The following PYGB variants were observed in gnomAD, a reference collection of about 807,000 sequenced individuals.
PYGB encodes glycogen phosphorylase, brain form.
A neutral mutation model predicts 94.3 loss-of-function variants in PYGB; 82 were observed. The observed-to-expected ratio is 0.87, with a 90% CI of 0.73 to 1.04. The LOEUF is 1.04. Ranked by LOEUF, PYGB falls within the 50% of genes least tolerant of loss-of-function variation. The pLI is 0.00. For missense variants in PYGB, 1,132 were observed against 1,158.2 expected, an observed-to-expected ratio of 0.98 and a Z score of 0.33; for synonymous variants, 488 against 479.1, an observed-to-expected ratio of 1.02 and a Z score of -0.24.
At chr20:25,266,114 G>A (rs2088216302) in intron 2 of PYGB, among the ~76,000 whole-genome samples, 1 of 152,174 alleles carries the variant, frequency 6.6e-6, no homozygotes, top group Non-Finnish European at 1.5e-5. Context: ...GCCTCCCAAA[G>A]TGCTGGGATT....
intron 2 of PYGB, among the ~76,000 whole-genome samples, chr20:25,265,953 A>G (rs918153690): frequency 6.6e-6 from 1 of 151,654 alleles, no homozygotes; most frequent in Non-Finnish European, 1.5e-5. Context: ...ATAGCGTATC[A>G]GATATGTGAT....
At chr20:25,292,304 A>T in intron 16 of PYGB, 102 bp from the exon 17 acceptor site, 2 of 1,384,108 alleles carry the variant, frequency 1.4e-6, no homozygotes, top group Non-Finnish European at 2.0e-6. Flanking sequence ...TCCCTCCACG[A>T]CCCAGCCCCG....
At chr20:25,276,093 G>GAGAGGGAGCCAGGCTGGGGT (rs1437048406) in intron 5 of PYGB, among the ~76,000 whole-genome samples, 1 of 152,182 alleles carries the variant, frequency 6.6e-6, no homozygotes, top group Non-Finnish European at 1.5e-5. Context: ...TTGTCAAGGA[G>GAGAGGGAGCCAGGCTGGGGT]AGAGGGAGCC....
At chr20:25,254,722 G>T (rs2092898408) in intron 1 of PYGB, among the ~76,000 whole-genome samples, 2 of 152,352 alleles carry the variant, frequency 1.3e-5, no homozygotes, top group Non-Finnish European at 1.5e-5. Flanking sequence ...ATCACTTAGT[G>T]TAAGTTGATT....
At chr20:25,280,173 C>T in intron 9 of PYGB, 93 bp from the exon 10 acceptor site, 1 of 1,464,404 alleles carries the variant, frequency 6.8e-7, no homozygotes, top group Non-Finnish European at 9.4e-7. Flanking sequence ...CCAGCATCTG[C>T]CTGGGATCCT....
At position 25,294,602 on chromosome 20, in the gene PYGB, G is replaced by A. The variant is rs868585694; in HGVS notation, c.2312+310G>A. 1.2e-4 allele frequency: 66 copies of A among 541,904 alleles called. No homozygotes were observed. The Middle Eastern group carries it at 3.0e-3, about 25-fold the overall frequency. 33.6% of individuals were successfully genotyped at this position (541,904 alleles called of 1,614,324 possible). A position where few individuals can be genotyped will look rare whatever the true frequency, so the allele number is the denominator to read the frequency against. ...CTGGTTGGAGGTCCCAGGGGCAGCC[G>A]TGTCCCAGCAGGCCAGTAGAGGGAG... is the stretch of plus-strand genomic sequence containing the variant. On this transcript the variant is annotated intron_variant, in intron 18 of 19. Coordinates refer to ENST00000216962, the MANE Select transcript of PYGB (RefSeq NM_002862.4).
Position 25,263,271 on chromosome 20 carries a change from A to G in PYGB, c.345+3933A>G, listed in dbSNP as rs549375539. Among the ~76,000 whole-genome samples the G allele has an allele frequency of 2.6e-5, 4 of 152,364 alleles. No individual in the cohort carries two copies. The East Asian group carries it at 5.8e-4, about 22-fold the overall frequency. ...CAGAAATTATAACAAACTGTCTCTCAGACCACAGTGCAATCAAACTAGAAC... is the reference window on the plus strand; with the variant it reads ...CAGAAATTATAACAAACTGTCTCTCGGACCACAGTGCAATCAAACTAGAAC... On this transcript the variant is annotated intron_variant, in intron 2 of 19. Transcript: ENST00000216962.
chr20:25,262,069 A>G (rs939878623), intron 2 of PYGB, among the ~76,000 whole-genome samples: 1 of 152,226 alleles, frequency 6.6e-6, no homozygotes, highest in African/African-American at 2.4e-5. Flanking sequence ...GATATTATCC[A>G]GGAGAACTTC....
At position 25,280,379 on chromosome 20, in the gene PYGB, G is replaced by A. The variant is rs2088355004; in HGVS notation, c.1206G>A (p.Glu402=). 1.9e-6 allele frequency: 3 copies of A among 1,614,076 alleles called. No individual in the cohort carries two copies. The highest frequency in any genetic ancestry group is 1.3e-5 in the African/African-American group (1 of 74,950). The part of the protein sequence containing the change: ...MFEKLLPRHL[E]IIYAINQRHL... ...AGAAGCTGCTGCCGCGGCACCTGGA[G>A]ATAATCTATGCCATCAACCAGCGGC... Residue 402 remains glutamate, a synonymous_variant, in exon 10 of 20, where the codon GAG becomes GAA. Transcript: ENST00000216962.
chr20:25,279,350 G>A (rs537525020), intron 9 of PYGB, among the ~76,000 whole-genome samples: 51 of 152,242 alleles, frequency 3.3e-4, no homozygotes, highest in African/African-American at 1.1e-3. Context: ...GGGTCAGGGC[G>A]CGGGGGAGAT....
rs1284943486 is a variant in PYGB at position 25,269,217 on chromosome 20, C to T, written c.424+10C>T. 2.6e-6 allele frequency: 4 copies of T among 1,560,198 alleles called. No individual in the cohort carries two copies. Among genetic ancestry groups the T allele is most frequent in the Non-Finnish European group, 3.5e-6 (4 of 1,132,490 alleles). On this transcript the variant is annotated intron_variant, in intron 3 of 19. Transcript: ENST00000216962. ...CTGGGGAGGCTGGCAGGTAAGTTGC[C>T]CCATCCAGGAGGAGCTCTCTCGGAC...
At chr20:25,291,910 GAGAA>G (rs1182442036) in intron 16 of PYGB, among the ~76,000 whole-genome samples, 1 of 146,596 alleles carries the variant, frequency 6.8e-6, no homozygotes, top group Admixed American at 6.8e-5. Context: ...GACAGGCACA[GAGAA>G]AGCGCAGGGC....
rs781576927 is a variant in PYGB at position 25,295,610 on chromosome 20, G to A, written c.2319G>A (p.Lys773=). ...CTCCTTTCTCCCATTCCAGGTTCAA[G>A]GTGTTTGCAGACTATGAAGCCTACA... is the stretch of plus-strand genomic sequence containing the variant. ...VNMLMHHDRF[K]VFADYEAYMQ... is the part of the protein sequence containing the mutation. The change falls in exon 19 of 20, where the codon AAG becomes AAA. Residue 773 remains lysine (K), a synonymous_variant. Transcript: ENST00000216962. The A allele has an allele frequency of 3.1e-6, 5 of 1,613,932 alleles. No individual in the cohort carries two copies. Among genetic ancestry groups the A allele is most frequent in the South Asian group, 2.2e-5 (2 of 91,082 alleles).
In PYGB at chr20:25,283,382, C is replaced by T. The variant is rs144064529; in HGVS notation, c.1620+105C>T. ...AGGCCCAGCACAGGTCCTGGGGTAC[C>T]CACTGGGGCTTTAGTGGGGACTCAG... On this transcript the variant is annotated intron_variant, in intron 13 of 19. Coordinates refer to ENST00000216962, the MANE Select transcript of PYGB (RefSeq NM_002862.4). 5.2e-3 allele frequency: 5,214 copies of T among 994,994 alleles called. 18 individuals are homozygous for T. Among genetic ancestry groups the T allele is most frequent in the Middle Eastern group, 0.011 (41 of 3,646 alleles). The allele number at this position is 994,994 out of a possible 1,614,324, so 61.6% of individuals were successfully genotyped here.
chr20:25,248,134 G>T lies in PYGB; in HGVS notation c.-45G>T, dbSNP rs374587505. The T allele has an allele frequency of 6.5e-6, 10 of 1,532,288 alleles. No homozygotes were observed. The highest frequency in any genetic ancestry group is 6.2e-5 in the South Asian group (5 of 80,180). The allele number at this position is 1,532,288 out of a possible 1,614,324, so 94.9% of individuals were successfully genotyped here. ...CACCATCCCGGCGTTCGCGTGTGCCGCCGCTTTCCTCCTCCATCTCTTTTC... is the reference window on the plus strand; with the variant it reads ...CACCATCCCGGCGTTCGCGTGTGCCTCCGCTTTCCTCCTCCATCTCTTTTC... On this transcript the variant is annotated 5_prime_UTR_variant, in exon 1 of 20. Transcript: ENST00000216962.
rs1160421296 is a variant in PYGB at position 25,295,590 on chromosome 20, T to G, written c.2313-14T>G. 1 of 1,612,828 alleles carries G rather than the reference T, an allele frequency of 6.2e-7. No individual in the cohort carries two copies. Among genetic ancestry groups the G allele is most frequent in the Admixed American group, 1.7e-5 (1 of 60,020 alleles). On this transcript the variant is annotated splice_polypyrimidine_tract_variant and intron_variant, in intron 18 of 19. Transcript: ENST00000216962. ...CCCTGCTGCCCTGGCCCAGCCTCCT[T>G]TCTCCCATTCCAGGTTCAAGGTGTT...
chr20:25,280,532 G>T, intron 10 of PYGB, 120 bp downstream of exon 10: 1 of 1,356,310 alleles, frequency 7.4e-7, no homozygotes, highest in Non-Finnish European at 1.0e-6. Flanking sequence ...GTTCAGCAGA[G>T]GATGCTTGGG....
intron 7 of PYGB, 125 bp downstream of exon 7, chr20:25,277,451 C>T (rs141419388): frequency 2.3e-6 from 2 of 853,358 alleles, no homozygotes; most frequent in East Asian, 2.6e-5. Context: ...ACCTGGTGGC[C>T]CTCTCGCCTT....
At position 25,292,548 on chromosome 20, in the gene PYGB, C is replaced by T. The variant is rs202245567; in HGVS notation, c.2112C>T (p.Ala704=). 1.9e-5 allele frequency: 31 copies of T among 1,613,156 alleles called. No homozygotes were observed. The highest frequency in any genetic ancestry group is 6.6e-5 in the South Asian group (6 of 91,086). The part of the protein sequence containing the change: ...DGANVEMAEE[A]GAENLFIFGL... ...CCAACGTGGAGATGGCCGAGGAGGC[C>T]GGGGCCGAGAACCTCTTCATCTTCG... Residue 704 remains alanine (A), a synonymous_variant, in exon 17 of 20, where the codon GCC becomes GCT. Transcript: ENST00000216962.
Sources: allele counts gnomAD v4.1 joint callset (sites outside exome capture counted in the v4.1 genomes callset), GRCh38; gene constraint gnomAD v4.1.1; transcripts MANE v1.5; gene names NCBI Gene and HGNC (gene_info 2026-07-23, HGNC 2026-07-21).